The following ZNF527 variants were observed in gnomAD, a reference collection of about 807,000 sequenced individuals.
ZNF527 encodes zinc finger protein 527.
Under a neutral mutation model 13.5 loss-of-function variants are expected in ZNF527, and 5 were observed. The observed-to-expected ratio is 0.37, with a 90% CI of 0.19 to 0.78. The LOEUF (loss-of-function observed/expected upper bound fraction) is 0.78. Ranked by LOEUF, ZNF527 falls within the 30% of genes least tolerant of loss-of-function variation. The pLI is 0.48. For missense variants in ZNF527, 628 were observed against 726.4 expected (o/e 0.86, Z 1.56); for synonymous variants, 209 against 243.1 (o/e 0.86, Z 1.30).
intron 4 of ZNF527, among the ~76,000 whole-genome samples, chr19:37,382,402 A>G (rs777669220): frequency 6.6e-6 from 1 of 152,122 alleles, no homozygotes; most frequent in Non-Finnish European, 1.5e-5. Flanking sequence ...ATCTTTTTAT[A>G]TACTAAAACT....
Position 37,391,104 on chromosome 19 carries a change from G to A in ZNF527, c.*1225G>A, listed in dbSNP as rs1367897087. The A allele has an allele frequency of 1.3e-5, 2 of 152,142 alleles. No individual in the cohort carries two copies. The highest frequency in any genetic ancestry group is 4.8e-5 in the African/African-American group (2 of 41,418). The allele number at this position is 152,142 out of a possible 1,614,324, so 9.4% of individuals were successfully genotyped here. ...TGTCACAGTGACTCACCATTTGCCT[G>A]TAAAGAGAGAATGGAAAGCTAAGAG... On this transcript the variant is annotated 3_prime_UTR_variant, in exon 5 of 5. Coordinates refer to ENST00000436120, the MANE Select transcript of ZNF527 (RefSeq NM_032453.2).
intron 2 of ZNF527, among the ~76,000 whole-genome samples, chr19:37,375,486 C>T (rs1432850186): frequency 3.3e-5 from 5 of 151,144 alleles, no homozygotes; most frequent in Admixed American, 2.6e-4. Context: ...CTCAGCTTTC[C>T]GGGTAGCTGG....
chr19:37,389,295 T>A lies in ZNF527; in HGVS notation c.1246T>A (p.Cys416Ser), dbSNP rs978933651. The A allele has an allele frequency of 6.8e-6, 11 of 1,614,216 alleles. No homozygotes were observed. The highest frequency in any genetic ancestry group is 9.3e-6 in the Non-Finnish European group (11 of 1,180,044). The change falls in exon 5 of 5, where the codon TGT becomes AGT. Residue 416 changes from cysteine (C) to serine (S), a missense_variant. Transcript: ENST00000436120. ...TCACACTGGAGAGAAACCCTATGAATGTAATCAGTGTGGAAAAGCCTTCAG... is the reference window on the plus strand; with the variant it reads ...TCACACTGGAGAGAAACCCTATGAAAGTAATCAGTGTGGAAAAGCCTTCAG... ...RIHTGEKPYE[C>S]NQCGKAFSRR...
chr19:37,377,310 C>T (rs982654048), intron 2 of ZNF527, among the ~76,000 whole-genome samples: 1 of 151,998 alleles, frequency 6.6e-6, no homozygotes, highest in Non-Finnish European at 1.5e-5. Flanking sequence ...TCACAGAGGG[C>T]AGACAGAATA....
intron 1 of ZNF527, among the ~76,000 whole-genome samples, chr19:37,373,476 G>A (rs1568690631): frequency 6.6e-6 from 1 of 152,278 alleles, no homozygotes; most frequent in East Asian, 1.9e-4. Flanking sequence ...CAATGGTCTG[G>A]TGGTGTTCTG....
intron 4 of ZNF527, chr19:37,385,019 T>A (rs1299465730): frequency 3.3e-5 from 23 of 698,540 alleles, no homozygotes; most frequent in Non-Finnish European, 6.0e-5. Context: ...AGAGACGAGG[T>A]CTCACTGTGT....
chr19:37,385,488 G>T (rs1349572711), intron 4 of ZNF527: 2 of 396,392 alleles, frequency 5.0e-6, no homozygotes, highest in South Asian at 2.8e-4. Flanking sequence ...GTGGAAGAAA[G>T]GTATAAAATG....
intron 2 of ZNF527, among the ~76,000 whole-genome samples, chr19:37,378,403 A>G (rs1600265129): frequency 6.6e-6 from 1 of 152,140 alleles, no homozygotes; most frequent in East Asian, 1.9e-4. Context: ...TAAGCACTGA[A>G]TACTCTTTCT....
At chr19:37,375,610 C>T (rs546374138) in intron 2 of ZNF527, among the ~76,000 whole-genome samples, 4 of 152,056 alleles carry the variant, frequency 2.6e-5, no homozygotes, top group South Asian at 2.1e-4. Flanking sequence ...CTGCCTGCCT[C>T]GGCCTCCCAA....
chr19:37,384,994 G>C, intron 4 of ZNF527: 1 of 700,710 alleles, frequency 1.4e-6, no homozygotes, highest in East Asian at 2.7e-5. Flanking sequence ...TAATTTTTTT[G>C]TTTATTTTTC....
intron 1 of ZNF527, among the ~76,000 whole-genome samples, chr19:37,372,467 C>CTTTTTTTT (rs1022024971): frequency 1.7e-4 from 11 of 65,656 alleles, no homozygotes; most frequent in Non-Finnish European, 2.1e-4. Flanking sequence ...CTTTTCTTTT[C>CTTTTTTTT]TTTTTTTTTT....
chr19:37,382,864 G>T (rs546411203), intron 4 of ZNF527, among the ~76,000 whole-genome samples: 1 of 151,976 alleles, frequency 6.6e-6, no homozygotes, highest in Non-Finnish European at 1.5e-5. Context: ...ATGCCACCAC[G>T]CCTGGCTAAT....
chr19:37,380,854 CTTTCT>C (rs2040648317), intron 4 of ZNF527, among the ~76,000 whole-genome samples: 1 of 152,134 alleles, frequency 6.6e-6, no homozygotes, highest in South Asian at 2.1e-4. Context: ...GAGCGATCCA[CTTTCT>C]TTTCTTTTGT....
chr19:37,377,558 G>A (rs775918130), intron 2 of ZNF527, among the ~76,000 whole-genome samples: 3 of 152,134 alleles, frequency 2.0e-5, no homozygotes, highest in Non-Finnish European at 4.4e-5. Flanking sequence ...TATCAATCAG[G>A]GTTCTAGCAA....
chr19:37,375,485 C>T (rs2040600509), intron 2 of ZNF527, among the ~76,000 whole-genome samples: 1 of 151,212 alleles, frequency 6.6e-6, no homozygotes, highest in Admixed American at 6.6e-5. Context: ...CCTCAGCTTT[C>T]CGGGTAGCTG....
rs751681430 is a variant in ZNF527, at chr19:37,388,315, C to G, written c.266C>G (p.Ser89Cys). The change falls in exon 5 of 5, where the codon TCT becomes TGT. Residue 89 changes from serine to cysteine, a missense_variant. By Grantham distance (112) the Ser-to-Cys change is moderately radical. This residue lies in a region of ZNF527 where 592 missense variants were observed against 678.0 expected (regional missense o/e 0.87). Coordinates refer to ENST00000436120, the MANE Select transcript of ZNF527 (RefSeq NM_032453.2). ...TCTTGATATTTTTCAGACTGGGAGT[C>G]TTGGTGTGAAATTGAGGAATTATCT... ...MSQGHCADWE[S>C]WCEIEELSPK... is the part of the protein sequence containing the mutation. 14 of 1,611,760 alleles carry G rather than the reference C, an allele frequency of 8.7e-6. No homozygotes were observed. In the East Asian group the frequency reaches 3.1e-4, roughly 36 times the overall value.
chr19:37,374,681 A>G (rs529760242), intron 2 of ZNF527, among the ~76,000 whole-genome samples: 16 of 152,354 alleles, frequency 1.1e-4, no homozygotes, highest in Admixed American at 9.1e-4. Flanking sequence ...CAGGAATAGC[A>G]ATGAGTCTGT....
At position 37,383,261 on chromosome 19, in the gene ZNF527, A is replaced by T. The variant is rs573443990; in HGVS notation, c.256+2889A>T. 4.6e-5 allele frequency among the ~76,000 whole-genome samples: 7 copies of T among 151,886 alleles called. No homozygotes were observed. The East Asian group carries it at 1.4e-3, about 30-fold the overall frequency. ...TTTTTATGCTTTTTTTTTGAGATGG[A>T]GCCTTGCTCTGTCACCCAGGCTGGA... On this transcript the variant is annotated intron_variant, in intron 4 of 4. Coordinates refer to ENST00000436120, the MANE Select transcript of ZNF527 (RefSeq NM_032453.2).
intron 1 of ZNF527, among the ~76,000 whole-genome samples, chr19:37,372,639 ATTC>A (rs1280532349): frequency 2.0e-5 from 3 of 150,918 alleles, no homozygotes; most frequent in Non-Finnish European, 3.0e-5. Flanking sequence ...CGCCCAACTA[ATTC>A]TTGTACTTTT....
Sources: allele counts gnomAD v4.1 joint callset (sites outside exome capture counted in the v4.1 genomes callset), GRCh38; gene constraint gnomAD v4.1.1; regional missense constraint gnomAD v4.1.1; transcripts MANE v1.5; gene names NCBI Gene and HGNC (gene_info 2026-07-23, HGNC 2026-07-21).